Variants in UTP18 observed in about 807,000 individuals in gnomAD.
The protein encoded by UTP18 is U3 small nucleolar RNA-associated protein 18 homolog.
A neutral mutation model predicts 61.1 loss-of-function variants in UTP18; 36 were observed. The ratio of observed to expected loss-of-function variants is 0.59; its 90% CI spans 0.45 to 0.78. UTP18 has a LOEUF of 0.78. Among genes scored for constraint, UTP18 ranks in the 30% least tolerant of loss-of-function variants. UTP18 has a pLI of 0.00. For missense variants in UTP18, 753 were observed against 693.9 expected (o/e 1.09, Z -0.96); for synonymous variants, 282 against 251.1 (o/e 1.12, Z -1.16).
chr17:51,281,539 T>C (rs907428089), intron 9 of UTP18, among the ~76,000 whole-genome samples: 4 of 152,046 alleles, frequency 2.6e-5, no homozygotes, highest in African/African-American at 9.7e-5. Flanking sequence ...ATCGTAGAAA[T>C]AGAGAATAGA....
chr17:51,276,063 A>G (rs1904711223), intron 6 of UTP18, 72 bp downstream of exon 6: 2 of 1,431,678 alleles, frequency 1.4e-6, no homozygotes, highest in Non-Finnish European at 1.9e-6. Flanking sequence ...TTGCAACCCC[A>G]AATGCAAAAA....
At chr17:51,293,804 G>T in intron 11 of UTP18, 99 bp from the exon 12 acceptor site, 1 of 1,060,090 alleles carries the variant, frequency 9.4e-7, no homozygotes, top group Non-Finnish European at 1.3e-6. Flanking sequence ...CAATCAAAAT[G>T]AGCTTTATGT....
intron 12 of UTP18, among the ~76,000 whole-genome samples, chr17:51,295,434 C>T (rs978394336): frequency 6.6e-5 from 10 of 152,198 alleles, no homozygotes; most frequent in African/African-American, 2.4e-4. Flanking sequence ...CCAGTTTTCC[C>T]AGCACCATTT....
intron 3 of UTP18, among the ~76,000 whole-genome samples, 180 bp downstream of exon 3, chr17:51,266,460 G>T (rs1274706687): frequency 6.6e-6 from 1 of 151,910 alleles, no homozygotes; most frequent in Non-Finnish European, 1.5e-5. Flanking sequence ...CAGACACAAA[G>T]AAAATTTGGA....
Position 51,280,493 on chromosome 17 carries a change from A to T in UTP18, c.1204+14A>T. On this transcript the variant is annotated intron_variant, in intron 9 of 13. Transcript: ENST00000225298. ...ACGCCTCTTCGGGTAAGACAACGAC[A>T]TGAAAGAAGCTAAGGATATTTTTAC... 2 of 1,612,816 alleles carry T rather than the reference A, an allele frequency of 1.2e-6. No homozygotes were observed. The highest frequency in any genetic ancestry group is 8.5e-7 in the Non-Finnish European group (1 of 1,179,002).
intron 9 of UTP18, among the ~76,000 whole-genome samples, chr17:51,282,645 T>A (rs1156475527): frequency 1.3e-5 from 2 of 151,658 alleles, no homozygotes; most frequent in Non-Finnish European, 2.9e-5. Context: ...TGGGGAGGGT[T>A]GGTCAGCAGA....
In UTP18 at chr17:51,263,373, G is replaced by A. The variant is rs1166161500; in HGVS notation, c.442G>A (p.Glu148Lys). 1 of 1,613,900 alleles carries A rather than the reference G, an allele frequency of 6.2e-7. No homozygotes were observed. The highest frequency in any genetic ancestry group is 1.7e-5 in the Admixed American group (1 of 60,012). Residue 148 changes from glutamate to lysine, a missense_variant, in exon 2 of 14, where the codon GAA becomes AAA. Glu to Lys is a moderately conservative substitution (Grantham distance 56). Coordinates refer to ENST00000225298, the MANE Select transcript of UTP18 (RefSeq NM_016001.3). ...GCCAGTTTGGGTGGATGAAGAAGAT[G>A]AAGATGAGGAAATGTAAGTTGCCTA... is the stretch of plus-strand genomic sequence containing the variant. ...KKPVWVDEED[E>K]DEEMVDMMNN...
Position 51,272,437 on chromosome 17 carries a change from G to A in UTP18, c.623-925G>A, listed in dbSNP as rs113724536. Among the ~76,000 whole-genome samples, 745 of 152,232 alleles carry A rather than the reference G, an allele frequency of 4.9e-3. 7 individuals carry two copies. The highest frequency in any genetic ancestry group is 0.016 in the African/African-American group (670 of 41,542). ...TTTAAGGTTTGTGTCTGATAATTCC[G>A]TTGTTTAGATCCCTGTGGGGATTGT... On this transcript the variant is annotated intron_variant, in intron 4 of 13. Coordinates refer to ENST00000225298, the MANE Select transcript of UTP18 (RefSeq NM_016001.3).
At chr17:51,271,296 C>T in intron 4 of UTP18, among the ~76,000 whole-genome samples, 1 of 152,028 alleles carries the variant, frequency 6.6e-6, no homozygotes, top group East Asian at 1.9e-4. Flanking sequence ...TAAATGTCTT[C>T]CACCTATTTT....
Position 51,280,552 on chromosome 17 carries a change from G to T in UTP18, c.1204+73G>T, listed in dbSNP as rs575226665. Reference sequence around the variant, plus strand: ...TTTTAGGCCAGGCGCGGTGGCTCACGTGTGTAATCCCACCACTTTGGGAGG... The same window carrying T: ...TTTTAGGCCAGGCGCGGTGGCTCACTTGTGTAATCCCACCACTTTGGGAGG... On this transcript the variant is annotated intron_variant, in intron 9 of 13. Transcript: ENST00000225298. The T allele has an allele frequency of 2.1e-6, 3 of 1,431,474 alleles. No homozygotes were observed. In the South Asian group the frequency reaches 3.6e-5, roughly 17 times the overall value. The allele number at this position is 1,431,474 out of a possible 1,614,324, so 88.7% of individuals were successfully genotyped here. A position where few individuals can be genotyped will look rare whatever the true frequency, so the allele number is the denominator to read the frequency against.
rs762497747 is a variant in UTP18, at chr17:51,293,994, G to C, written c.1595G>C (p.Arg532Thr). 13 of 1,610,702 alleles carry C rather than the reference G, an allele frequency of 8.1e-6. No individual in the cohort carries two copies. In the Middle Eastern group the frequency reaches 1.7e-3, roughly 206 times the overall value. ...SHVHTMDFSP[R>T]SGYFALGNEK... ...GTTCATACCATGGATTTTTCTCCGA[G>C]AAGTGGATACTTTGCCTTGGGGAAT... The change falls in exon 12 of 14, where the codon AGA becomes ACA. Residue 532 changes from arginine to threonine, a missense_variant. By Grantham distance (71) the Arg-to-Thr change is moderately conservative. Coordinates refer to ENST00000225298, the MANE Select transcript of UTP18 (RefSeq NM_016001.3).
chr17:51,270,844 C>T (rs1904504503), intron 4 of UTP18, among the ~76,000 whole-genome samples: 1 of 152,142 alleles, frequency 6.6e-6, no homozygotes, highest in Non-Finnish European at 1.5e-5. Flanking sequence ...ATTAAGTCAG[C>T]AATTAGTCTG....
At chr17:51,281,445 A>C (rs529536347) in intron 9 of UTP18, among the ~76,000 whole-genome samples, 31 of 152,078 alleles carry the variant, frequency 2.0e-4, no homozygotes, top group African/African-American at 7.2e-4. Context: ...CTCTTTTGTC[A>C]CTTGGTTTTC....
chr17:51,282,095 C>T (rs1475833626), intron 9 of UTP18, among the ~76,000 whole-genome samples: 3 of 152,166 alleles, frequency 2.0e-5, no homozygotes. Context: ...GGGGCCATCC[C>T]TTGGGACAGC....
At chr17:51,293,767 TAATA>T in intron 11 of UTP18, 132 bp from the exon 12 acceptor site, 1 of 673,180 alleles carries the variant, frequency 1.5e-6, no homozygotes, top group Non-Finnish European at 2.2e-6. Context: ...TTTGCTGCAC[TAATA>T]GACTGTACTT....
At position 51,276,009 on chromosome 17, in the gene UTP18, C is replaced by T. The variant is rs776409656; in HGVS notation, c.837+18C>T. ...TATTTCAGGTATGCATCTTTATTTA[C>T]TTATTTATTTCTAATGCATTATTTT... On this transcript the variant is annotated intron_variant, in intron 6 of 13. Coordinates refer to ENST00000225298, the MANE Select transcript of UTP18 (RefSeq NM_016001.3). 5 of 1,584,166 alleles carry T rather than the reference C, an allele frequency of 3.2e-6. No individual in the cohort carries two copies. The highest frequency in any genetic ancestry group is 1.2e-5 in the South Asian group (1 of 85,090).
intron 7 of UTP18, among the ~76,000 whole-genome samples, chr17:51,277,890 C>G (rs1047040191): frequency 6.6e-6 from 1 of 152,174 alleles, no homozygotes; most frequent in Non-Finnish European, 1.5e-5. Context: ...TACACCGACA[C>G]CTTCATGCAT....
chr17:51,275,710 TTTTG>T (rs1162852475), intron 5 of UTP18, among the ~76,000 whole-genome samples, 152 bp from the exon 6 acceptor site: 1 of 152,060 alleles, frequency 6.6e-6, no homozygotes, highest in East Asian at 1.9e-4. Context: ...GCTGCGGTTT[TTTTG>T]TTTTTTGTTT....
At chr17:51,293,633 A>G (rs1416588112) in intron 11 of UTP18, among the ~76,000 whole-genome samples, 1 of 152,044 alleles carries the variant, frequency 6.6e-6, no homozygotes, top group African/African-American at 2.4e-5. Context: ...CATTGGAGTG[A>G]TGGTGACACT....
Sources: allele counts gnomAD v4.1 joint callset (sites outside exome capture counted in the v4.1 genomes callset), GRCh38; gene constraint gnomAD v4.1.1; transcripts MANE v1.5; gene names NCBI Gene and HGNC (gene_info 2026-07-23, HGNC 2026-07-21).